The following SLCO6A1 variants were observed in gnomAD, a reference collection of about 807,000 sequenced individuals.
SLCO6A1 encodes solute carrier organic anion transporter family member 6A1.
SLCO6A1 carries 65 observed loss-of-function variants against 72.7 expected under a neutral mutation model. The observed-to-expected ratio is 0.89, with a 90% CI of 0.73 to 1.10. The LOEUF is 1.10. Among genes scored for constraint, SLCO6A1 ranks in the 50% least tolerant of loss-of-function variants. The pLI is 0.00. For synonymous variants in SLCO6A1, 314 were observed against 298.2 expected (o/e 1.05, Z -0.55); for missense variants, 874 against 872.6 (o/e 1.00, Z -0.02).
chr5:102,462,930 A>G (rs991462175), intron 4 of SLCO6A1, among the ~76,000 whole-genome samples: 1 of 152,206 alleles, frequency 6.6e-6, no homozygotes, highest in Admixed American at 6.5e-5. Context: ...ATGAGACCTA[A>G]TTAAACAGAA....
intron 1 of SLCO6A1, among the ~76,000 whole-genome samples, chr5:102,485,621 C>T (rs898959968): frequency 3.3e-5 from 5 of 152,164 alleles, no homozygotes; most frequent in East Asian, 3.8e-4. Context: ...TGTTATTACA[C>T]GTGTTGGGAG....
At chr5:102,390,234 G>C (rs558195342) in intron 11 of SLCO6A1, among the ~76,000 whole-genome samples, 1 of 152,172 alleles carries the variant, frequency 6.6e-6, no homozygotes, top group African/African-American at 2.4e-5. Context: ...CCTGTGTACT[G>C]ACTGACTGTT....
intron 6 of SLCO6A1, among the ~76,000 whole-genome samples, chr5:102,439,755 A>G (rs972880652): frequency 3.9e-5 from 6 of 152,206 alleles, no homozygotes; most frequent in Non-Finnish European, 7.3e-5. Context: ...AGGATTTAGC[A>G]TACTTTATTC....
intron 6 of SLCO6A1, among the ~76,000 whole-genome samples, chr5:102,453,087 T>C (rs553656011): frequency 2.6e-5 from 4 of 152,328 alleles, no homozygotes; most frequent in African/African-American, 9.6e-5. Flanking sequence ...ACTTTGGTTA[T>C]GTAGTCCCCC....
At chr5:102,406,614 TAGGTGAACTAGATAGCAGAGTTAATAGTA>T (rs1207912414) in intron 9 of SLCO6A1, among the ~76,000 whole-genome samples, 6 of 152,118 alleles carry the variant, frequency 3.9e-5, no homozygotes, top group Non-Finnish European at 8.8e-5. Flanking sequence ...AGTAGATTCA[TAGGTGAACTAGATAGCAGAGTTAATAGTA>T]AGAATGTTAA....
intron 4 of SLCO6A1, among the ~76,000 whole-genome samples, chr5:102,468,773 T>C (rs1751440121): frequency 6.6e-6 from 1 of 152,166 alleles, no homozygotes; most frequent in African/African-American, 2.4e-5. Flanking sequence ...CGTTTTCTTC[T>C]AGGGTTTTTA....
Position 102,498,953 on chromosome 5 carries a change from G to T in SLCO6A1, c.-109C>A. 1 of 1,028,120 alleles carries T rather than the reference G, an allele frequency of 9.7e-7. No individual in the cohort carries two copies. The highest frequency in any genetic ancestry group is 1.4e-6 in the Non-Finnish European group (1 of 704,532). The allele number at this position is 1,028,120 out of a possible 1,614,324, so 63.7% of individuals were successfully genotyped here. ...GGCGAGGGCGTCGGAGGACTCGGTG[G>T]CCACAAGGGGCTCTTGCCGCCCAAG... On this transcript the variant is annotated 5_prime_UTR_variant, in exon 1 of 14. Coordinates refer to ENST00000506729, the MANE Select transcript of SLCO6A1 (RefSeq NM_173488.5).
chr5:102,453,252 A>AG (rs1750523278), intron 6 of SLCO6A1, among the ~76,000 whole-genome samples: 1 of 151,594 alleles, frequency 6.6e-6, no homozygotes, highest in Non-Finnish European at 1.5e-5. Flanking sequence ...CCAGCTACTC[A>AG]GGGGGGCTGA....
At chr5:102,419,194 T>G (rs1449813790) in intron 8 of SLCO6A1, among the ~76,000 whole-genome samples, 3 of 152,196 alleles carry the variant, frequency 2.0e-5, no homozygotes, top group Non-Finnish European at 4.4e-5. Flanking sequence ...ACTCTTTGAT[T>G]CCTTTAACCA....
intron 7 of SLCO6A1, among the ~76,000 whole-genome samples, chr5:102,424,629 G>A (rs1175649911): frequency 6.6e-6 from 1 of 151,880 alleles, no homozygotes; most frequent in African/African-American, 2.4e-5. Flanking sequence ...GCAGTAATTA[G>A]TAGGCTACCA....
At chr5:102,388,219 A>G (rs1746523751) in intron 12 of SLCO6A1, among the ~76,000 whole-genome samples, 2 of 152,338 alleles carry the variant, frequency 1.3e-5, no homozygotes, top group South Asian at 4.1e-4. Context: ...AATTCTGCTA[A>G]TTATCATTCT....
intron 12 of SLCO6A1, among the ~76,000 whole-genome samples, chr5:102,386,746 T>A (rs550515304): frequency 5.9e-5 from 9 of 152,142 alleles, no homozygotes; most frequent in Non-Finnish European, 1.3e-4. Flanking sequence ...GGACTCAACC[T>A]GTAGTTGCAG....
chr5:102,487,999 A>C (rs539417494), intron 1 of SLCO6A1, among the ~76,000 whole-genome samples: 1 of 152,316 alleles, frequency 6.6e-6, no homozygotes, highest in African/African-American at 2.4e-5. Context: ...ATTAATAATA[A>C]TACTTAGCAA....
intron 12 of SLCO6A1, among the ~76,000 whole-genome samples, chr5:102,378,771 TTTTG>T (rs1298188743): frequency 1.1e-4 from 16 of 152,160 alleles, no homozygotes; most frequent in South Asian, 4.2e-4. Flanking sequence ...CTATTGTTGT[TTTTG>T]TTTGTTTGTT....
At chr5:102,445,876 G>A (rs888439398) in intron 6 of SLCO6A1, among the ~76,000 whole-genome samples, 4 of 152,180 alleles carry the variant, frequency 2.6e-5, no homozygotes, top group Non-Finnish European at 5.9e-5. Context: ...TCAGATGGCT[G>A]TAGGTGTGCA....
intron 2 of SLCO6A1, among the ~76,000 whole-genome samples, chr5:102,478,300 A>G (rs1752017248): frequency 2.0e-5 from 3 of 152,330 alleles, no homozygotes; most frequent in Middle Eastern, 6.8e-3. Context: ...GCACATAGAC[A>G]TAGCACATAT....
rs190157558 is a variant in SLCO6A1 at position 102,466,296 on chromosome 5, A to G, written c.900-6519T>C. Among the ~76,000 whole-genome samples the G allele has an allele frequency of 4.5e-3, 685 of 152,026 alleles. 5 individuals are homozygous for G. Among genetic ancestry groups the G allele is most frequent in the Non-Finnish European group, 7.7e-3 (520 of 67,942 alleles). ...ACGGTATTTGGTTTTCTATTCCTGCATTAGTTTACTAAGGATAATGGCCTC... is the reference window on the plus strand; with the variant it reads ...ACGGTATTTGGTTTTCTATTCCTGCGTTAGTTTACTAAGGATAATGGCCTC... On this transcript the variant is annotated intron_variant, in intron 4 of 13. Transcript: ENST00000506729.
At chr5:102,421,240 C>G (rs986301035) in intron 7 of SLCO6A1, among the ~76,000 whole-genome samples, 1 of 151,784 alleles carries the variant, frequency 6.6e-6, no homozygotes, top group Non-Finnish European at 1.5e-5. Context: ...TTTTTCATAC[C>G]CCAGTGGCAC....
Position 102,420,041 on chromosome 5 carries a change from A to G in SLCO6A1, c.1277-20T>C. ...CAAGTCCTAAAAAAAAGGAGGAGAA[A>G]AACACAGTTAAAAATAATCAGCTGA... On this transcript the variant is annotated intron_variant, in intron 7 of 13. Coordinates refer to ENST00000506729, the MANE Select transcript of SLCO6A1 (RefSeq NM_173488.5). 6.5e-7 allele frequency: 1 copy of G among 1,543,412 alleles called. No individual in the cohort carries two copies. The highest frequency in any genetic ancestry group is 8.7e-7 in the Non-Finnish European group (1 of 1,152,856).
Sources: allele counts gnomAD v4.1 joint callset (sites outside exome capture counted in the v4.1 genomes callset), GRCh38; gene constraint gnomAD v4.1.1; transcripts MANE v1.5; gene names NCBI Gene and HGNC (gene_info 2026-07-23, HGNC 2026-07-21).